Variants in BICC1 observed in about 807,000 individuals in gnomAD.
The protein encoded by BICC1 is protein bicaudal C homolog 1.
Under a neutral mutation model 111.0 loss-of-function variants are expected in BICC1, and 43 were observed. That is an observed-to-expected ratio of 0.39 (90% CI 0.30 to 0.50). The LOEUF is 0.50. BICC1 is among the 20% of genes least tolerant of loss of function. The pLI is 0.88. For missense variants in BICC1, 1,091 were observed against 1,203.2 expected, an observed-to-expected ratio of 0.91 and a Z score of 1.38; for synonymous variants, 467 against 434.4, an observed-to-expected ratio of 1.07 and a Z score of -0.93.
rs890111702 is a variant in BICC1 at position 58,648,596 on chromosome 10, T to C, written c.237+27695T>C. 5 of 984,210 alleles carry C rather than the reference T, an allele frequency of 5.1e-6. No individual in the cohort carries two copies. In the African/African-American group the frequency reaches 7.0e-5, roughly 14 times the overall value. 61.0% of individuals were successfully genotyped at this position (984,210 alleles called of 1,614,324 possible). A position where few individuals can be genotyped will look rare whatever the true frequency, so the allele number is the denominator to read the frequency against. Reference sequence around the variant, plus strand: ...GGTATGTTTAGTGCCTCTCTCTCTCTCTTTCTCTCTCTCTTTCTCTCTTAC... The same window carrying C: ...GGTATGTTTAGTGCCTCTCTCTCTCCCTTTCTCTCTCTCTTTCTCTCTTAC... On this transcript the variant is annotated intron_variant, in intron 2 of 20. Transcript: ENST00000373886.
At chr10:58,746,156 C>T (rs562889952) in intron 3 of BICC1, among the ~76,000 whole-genome samples, 5 of 152,184 alleles carry the variant, frequency 3.3e-5, no homozygotes, top group South Asian at 2.1e-4. Context: ...GCAGTTATAA[C>T]GATGTGGACA....
intron 2 of BICC1, among the ~76,000 whole-genome samples, chr10:58,631,058 T>C (rs1329701048): frequency 6.6e-6 from 1 of 152,158 alleles, no homozygotes; most frequent in African/African-American, 2.4e-5. Flanking sequence ...ATATGTTAGG[T>C]GAAAAAAGTG....
chr10:58,790,444 G>A (rs1843142812), intron 8 of BICC1, among the ~76,000 whole-genome samples: 1 of 152,064 alleles, frequency 6.6e-6, no homozygotes, highest in Non-Finnish European at 1.5e-5. Context: ...ACTTATTGAA[G>A]GAAGAAAAGC....
At chr10:58,650,133 G>T (rs1185470184) in intron 2 of BICC1, 1 of 152,086 alleles carries the variant, frequency 6.6e-6, no homozygotes, top group Non-Finnish European at 1.5e-5. Flanking sequence ...GAGATGATCT[G>T]CAGCCCTGAA....
At chr10:58,715,612 G>T in intron 3 of BICC1, 19 of 1,605,494 alleles carry the variant, frequency 1.2e-5, no homozygotes, top group Non-Finnish European at 1.5e-5. Flanking sequence ...GCGAGATCAA[G>T]GGGTCCAATC....
intron 2 of BICC1, among the ~76,000 whole-genome samples, chr10:58,649,520 C>T (rs1263754281): frequency 6.6e-6 from 1 of 152,060 alleles, no homozygotes; most frequent in Non-Finnish European, 1.5e-5. Context: ...GTGAAGTATG[C>T]AATGGGAACC....
At chr10:58,598,729 A>T (rs2132063690) in intron 1 of BICC1, among the ~76,000 whole-genome samples, 1 of 152,312 alleles carries the variant, frequency 6.6e-6, no homozygotes, top group South Asian at 2.1e-4. Context: ...CAACCTACAG[A>T]ATGGGAGAAA....
Position 58,733,576 on chromosome 10 carries a change from T to C in BICC1, c.307+31433T>C, listed in dbSNP as rs1015139094. On this transcript the variant is annotated intron_variant, in intron 3 of 20. Coordinates refer to ENST00000373886, the MANE Select transcript of BICC1 (RefSeq NM_001080512.3). ...TCTAGGGTAGCTACAGCACCTCAGA[T>C]ACTCTCCTTCACCAGTGCCATCTGC... Among the ~76,000 whole-genome samples the C allele has an allele frequency of 3.9e-5, 6 of 152,240 alleles. 1 individual carries two copies. The highest frequency in any genetic ancestry group is 1.2e-4 in the African/African-American group (5 of 41,466).
rs1354229702 is a variant in BICC1, at chr10:58,693,151, GTT to G, written c.238-8921_238-8920del. 3.9e-5 allele frequency among the ~76,000 whole-genome samples: 6 copies of G among 152,000 alleles called. No homozygotes were observed. In the South Asian group the frequency reaches 6.2e-4, roughly 16 times the overall value. ...TTGCGATAGTTTGCTGAGAATGATG[GTT>G]TCCAGTTTCATCCATGTCCCTACAA... On this transcript the variant is annotated intron_variant, in intron 2 of 20. Coordinates refer to ENST00000373886, the MANE Select transcript of BICC1 (RefSeq NM_001080512.3).
At chr10:58,525,698 A>G (rs1842517260) in intron 1 of BICC1, among the ~76,000 whole-genome samples, 1 of 117,372 alleles carries the variant, frequency 8.5e-6, no homozygotes, top group African/African-American at 2.7e-5. Context: ...TGTACCCTAA[A>G]ACTTTAATAA....
chr10:58,768,882 G>C (rs1243825215), intron 3 of BICC1, among the ~76,000 whole-genome samples: 1 of 151,940 alleles, frequency 6.6e-6, no homozygotes, highest in Non-Finnish European at 1.5e-5. Flanking sequence ...GAGGTATAAA[G>C]AAACAAAACA....
In BICC1 at chr10:58,732,996, A is replaced by C. The variant is rs1447120274; in HGVS notation, c.307+30853A>C. On this transcript the variant is annotated intron_variant, in intron 3 of 20. Transcript: ENST00000373886. ...TGGCACTGACAGACTTGCTTGATGC[A>C]CGATTTCCACAAACCTTAAATTTGT... is the stretch of plus-strand genomic sequence containing the variant. Among the ~76,000 whole-genome samples, 3 of 144,598 alleles carry C rather than the reference A, an allele frequency of 2.1e-5. No individual in the cohort carries two copies. In the East Asian group the frequency reaches 6.2e-4, roughly 30 times the overall value. 94.9% of individuals were successfully genotyped at this position (144,598 alleles called of 152,430 possible).
chr10:58,726,393 AC>A (rs917696521), intron 3 of BICC1, among the ~76,000 whole-genome samples: 1 of 152,206 alleles, frequency 6.6e-6, no homozygotes, highest in Non-Finnish European at 1.5e-5. Context: ...AAAGTCGAGA[AC>A]AGGCTTAGAG....
intron 14 of BICC1, 82 bp from the exon 15 acceptor site, chr10:58,802,995 C>T: frequency 7.7e-7 from 1 of 1,294,144 alleles, no homozygotes; most frequent in Middle Eastern, 2.7e-4. Context: ...GATAAACATG[C>T]ATAGTAAATG....
At chr10:58,734,744 A>G (rs1353935206) in intron 3 of BICC1, among the ~76,000 whole-genome samples, 1 of 152,214 alleles carries the variant, frequency 6.6e-6, no homozygotes, top group Non-Finnish European at 1.5e-5. Flanking sequence ...TTTGCTGCCA[A>G]GCTGTCTGCA....
At chr10:58,514,812 G>A (rs1374836642) in intron 1 of BICC1, among the ~76,000 whole-genome samples, 1 of 152,058 alleles carries the variant, frequency 6.6e-6, no homozygotes, top group Non-Finnish European at 1.5e-5. Context: ...CAGTTATTTC[G>A]TCTGTTCTGT....
chr10:58,585,578 C>G (rs1285224932), intron 1 of BICC1, among the ~76,000 whole-genome samples: 1 of 152,110 alleles, frequency 6.6e-6, no homozygotes, highest in East Asian at 1.9e-4. Flanking sequence ...ATATGTGTGT[C>G]ATACACCTCA....
At chr10:58,685,586 T>C (rs2132384902) in intron 2 of BICC1, among the ~76,000 whole-genome samples, 1 of 152,364 alleles carries the variant, frequency 6.6e-6, no homozygotes, top group Non-Finnish European at 1.5e-5. Context: ...GAGAGTTAGC[T>C]CTTCTTGTGG....
At position 58,817,627 on chromosome 10, in the gene BICC1, T is replaced by C. The variant is rs1554836678; in HGVS notation, c.2599T>C (p.Cys867Arg). The C allele has an allele frequency of 1.2e-6, 2 of 1,613,624 alleles. No homozygotes were observed. Among genetic ancestry groups the C allele is most frequent in the African/African-American group, 2.7e-5 (2 of 75,026 alleles). ...TTCCTCGCTGACAGGAAGCAATGGC[T>C]GTAACTTAAATAGCTCTTTCAAAGG... is the stretch of plus-strand genomic sequence containing the variant. ...CISSLTGSNG[C>R]NLNSSFKGSD... The change falls in exon 19 of 21, where the codon TGT (cysteine) becomes CGT (arginine). Residue 867 changes from cysteine (C) to arginine (R), a missense_variant. By Grantham distance (180) the Cys-to-Arg change is radical. This residue lies in a region of BICC1 where 231 missense variants were observed against 256.2 expected (regional missense o/e 0.90). Coordinates refer to ENST00000373886, the MANE Select transcript of BICC1 (RefSeq NM_001080512.3).
Sources: gnomAD v4.1 joint callset for allele counts (sites outside exome capture counted in the v4.1 genomes callset) on GRCh38, gnomAD v4.1.1 for gene constraint, gnomAD v4.1.1 regional missense constraint, MANE v1.5 for transcripts, NCBI Gene and HGNC (gene_info 2026-07-23, HGNC 2026-07-21) for gene names.